The following NEK5 variants were observed in gnomAD, a reference collection of about 807,000 sequenced individuals.
NEK5 encodes the protein serine/threonine-protein kinase Nek5.
Under a neutral mutation model 109.2 loss-of-function variants are expected in NEK5, and 88 were observed. The observed-to-expected ratio is 0.81, with a 90% CI of 0.68 to 0.96. The LOEUF is 0.96. Among genes scored for constraint, NEK5 ranks in the 40% least tolerant of loss-of-function variants. The pLI is 0.00. For synonymous variants in NEK5, 283 were observed against 299.9 expected (o/e 0.94, Z 0.58); for missense variants, 834 against 920.7 (o/e 0.91, Z 1.22).
chr13:52,106,716 G>A (rs148902690), intron 8 of NEK5, among the ~76,000 whole-genome samples: 8 of 150,256 alleles, frequency 5.3e-5, no homozygotes, highest in Admixed American at 2.0e-4. Context: ...GCAGTGAGCC[G>A]AGATCACACC....
In NEK5 at chr13:52,110,355, G is replaced by A. The variant is rs1476818980; in HGVS notation, c.452C>T (p.Ala151Val). 1.2e-6 allele frequency: 2 copies of A among 1,610,788 alleles called. No individual in the cohort carries two copies. Among genetic ancestry groups the A allele is most frequent in the Middle Eastern group, 1.6e-4 (1 of 6,076 alleles). The change falls in exon 7 of 24, where the codon GCA (alanine) becomes GTA (valine). Residue 151 changes from alanine to valine, a missense_variant. Ala to Val is a moderately conservative substitution (Grantham distance 64). Transcript: ENST00000684899. The part of the protein sequence containing the change: ...MVAKLGDFGI[A>V]RVLNNSMELA... ...AAGTACTTACTTATTCAGGACTCTT[G>A]CTATACCAAAGTCCCCAAGCTTTGC...
intron 23 of NEK5, among the ~76,000 whole-genome samples, chr13:52,041,643 G>GC (rs747295365): frequency 6.9e-6 from 1 of 144,592 alleles, no homozygotes; most frequent in Non-Finnish European, 1.5e-5. Context: ...CAGTAGAATT[G>GC]CTTGAACCCA....
intron 21 of NEK5, among the ~76,000 whole-genome samples, chr13:52,063,229 C>T (rs931011422): frequency 6.6e-6 from 1 of 152,238 alleles, no homozygotes; most frequent in African/African-American, 2.4e-5. Context: ...CGCGTCGCCA[C>T]GCCTGACTGG....
At chr13:52,052,759 G>C (rs546402459) in intron 22 of NEK5, among the ~76,000 whole-genome samples, 9 of 152,226 alleles carry the variant, frequency 5.9e-5, no homozygotes, top group Admixed American at 2.6e-4. Context: ...TTTTTAAGAT[G>C]GGAAAGGCAT....
intron 22 of NEK5, 47 bp from the exon 23 acceptor site, chr13:52,050,268 C>A: frequency 2.9e-6 from 2 of 685,248 alleles, no homozygotes; most frequent in South Asian, 6.6e-5. Context: ...AGCCTATATA[C>A]CCAATGAGGG....
At chr13:52,078,576 A>T (rs1954910842) in intron 17 of NEK5, among the ~76,000 whole-genome samples, 1 of 146,490 alleles carries the variant, frequency 6.8e-6, no homozygotes, top group African/African-American at 2.4e-5. Context: ...ATGATCAATT[A>T]TATCTCAATA....
At position 52,083,282 on chromosome 13, in the gene NEK5, G is replaced by A; in HGVS notation, c.1550C>T (p.Ser517Phe). The change falls in exon 17 of 24, where the codon TCT becomes TTT. Residue 517 changes from serine (S) to phenylalanine (F), a missense_variant. Physicochemically the swap from Ser to Phe is radical, Grantham distance 155. Around this residue, in one of 2 missense-constraint regions of NEK5, gnomAD observed 777 missense variants for 824.7 expected, o/e 0.94. Coordinates refer to ENST00000684899, the MANE Select transcript of NEK5 (RefSeq NM_001365552.1). ...KSNLPVHQDA[S>F]EGEAPVQDIE... ...TACCTGCACAGGTGCTTCTCCCTCA[G>A]ATGCATCTTGATGGACAGGCAGGTT... 6.2e-7 allele frequency: 1 copy of A among 1,612,004 alleles called. No homozygotes were observed.
chr13:52,041,951 G>T (rs1481125040), intron 23 of NEK5, among the ~76,000 whole-genome samples: 1 of 151,800 alleles, frequency 6.6e-6, no homozygotes, highest in South Asian at 2.1e-4. Context: ...AAGCAAGCAG[G>T]ATAAAAGACA....
chr13:52,084,752 A>T (rs1566772550), intron 16 of NEK5, among the ~76,000 whole-genome samples: 23 of 51,896 alleles, frequency 4.4e-4, no homozygotes, highest in African/African-American at 9.3e-4. Context: ...AGAGAGAGAG[A>T]GAGAGAGAGA....
At chr13:52,083,127 AGAGT>A (rs1955047994) in intron 17 of NEK5, 129 bp downstream of exon 17, 1 of 588,140 alleles carries the variant, frequency 1.7e-6, no homozygotes, top group East Asian at 2.8e-5. Flanking sequence ...ACCTGGCGAC[AGAGT>A]GAGACTCCGT....
At chr13:52,071,746 G>C (rs867035288) in intron 20 of NEK5, among the ~76,000 whole-genome samples, 198 bp downstream of exon 20, 1 of 152,208 alleles carries the variant, frequency 6.6e-6, no homozygotes, top group Non-Finnish European at 1.5e-5. Context: ...TATGGAGCAG[G>C]AGAGGAGGGC....
intron 4 of NEK5, among the ~76,000 whole-genome samples, chr13:52,113,398 A>C (rs1484833834): frequency 2.0e-5 from 3 of 152,116 alleles, no homozygotes; most frequent in Admixed American, 6.5e-5. Flanking sequence ...ATATGAATAG[A>C]AAATGAAAGA....
chr13:52,096,840 TGAAGG>T (rs2137967693), intron 12 of NEK5, among the ~76,000 whole-genome samples: 1 of 152,282 alleles, frequency 6.6e-6, no homozygotes, highest in South Asian at 2.1e-4. Context: ...GGAAATGCCT[TGAAGG>T]CATTTCAGAG....
intron 3 of NEK5, among the ~76,000 whole-genome samples, chr13:52,125,329 C>T (rs936107268): frequency 5.9e-5 from 9 of 152,080 alleles, no homozygotes; most frequent in African/African-American, 1.9e-4. Context: ...TTTGGGAGGC[C>T]GAGGCGGGTG....
chr13:52,056,775 A>C (rs1304738730), intron 22 of NEK5, among the ~76,000 whole-genome samples: 3 of 151,890 alleles, frequency 2.0e-5, no homozygotes, highest in Admixed American at 2.0e-4. Context: ...ACATACCAGA[A>C]TCTCTGGGAC....
At position 52,065,521 on chromosome 13, in the gene NEK5, C is replaced by G. The variant is rs1166219001; in HGVS notation, c.1938G>C (p.Val646=). Reference sequence around the variant, plus strand: ...TGGGGCAGGTGGAGGTGATGTCGGCCACTGCCATCATCTGCAGCAGAGTCT... The same window carrying G: ...TGGGGCAGGTGGAGGTGATGTCGGCGACTGCCATCATCTGCAGCAGAGTCT... ...APQTLLQMMA[V]ADITSTCPTG... Residue 646 remains valine (V), a synonymous_variant, in exon 21 of 24, where the codon GTG becomes GTC. Transcript: ENST00000684899. 1 of 1,613,298 alleles carries G rather than the reference C, an allele frequency of 6.2e-7. No individual in the cohort carries two copies. The highest frequency in any genetic ancestry group is 2.2e-5 in the East Asian group (1 of 44,896).
At chr13:52,053,433 G>A (rs996502960) in intron 22 of NEK5, among the ~76,000 whole-genome samples, 3 of 152,068 alleles carry the variant, frequency 2.0e-5, no homozygotes, top group Non-Finnish European at 4.4e-5. Context: ...GTAACTGAGT[G>A]CCCTATTTTT....
chr13:52,054,707 C>A lies in NEK5; in HGVS notation c.2111-4486G>T, dbSNP rs576610132. On this transcript the variant is annotated intron_variant, in intron 22 of 23. Coordinates refer to ENST00000684899, the MANE Select transcript of NEK5 (RefSeq NM_001365552.1). ...GGGGCAGACTGACACCTCACACGGC[C>A]GGGTACTCCAACAGACCTGCAGCTG... is the stretch of plus-strand genomic sequence containing the variant. Among the ~76,000 whole-genome samples, 734 of 152,172 alleles carry A rather than the reference C, an allele frequency of 4.8e-3. 1 individual carries two copies. Among genetic ancestry groups the A allele is most frequent in the Middle Eastern group, 0.01 (3 of 294 alleles).
At chr13:52,051,833 G>T (rs1313003425) in intron 22 of NEK5, among the ~76,000 whole-genome samples, 1 of 152,104 alleles carries the variant, frequency 6.6e-6, no homozygotes, top group African/African-American at 2.4e-5. Context: ...TAGGCCTCAG[G>T]ATCTTTACCC....
Sources: allele counts gnomAD v4.1 joint callset (sites outside exome capture counted in the v4.1 genomes callset), GRCh38; gene constraint gnomAD v4.1.1; regional missense constraint gnomAD v4.1.1; transcripts MANE v1.5; gene names NCBI Gene and HGNC (gene_info 2026-07-23, HGNC 2026-07-21).